Variants in NTN5 observed in about 807,000 individuals in gnomAD.
NTN5 encodes netrin-5.
NTN5 carries 42 observed loss-of-function variants against 38.7 expected under a neutral mutation model. The observed-to-expected ratio is 1.08, with a 90% confidence interval of 0.85 to 1.40. The LOEUF is 1.40. Ranked by LOEUF, NTN5 falls within the 40% of genes most tolerant of loss-of-function variation. The probability of loss-of-function intolerance (pLI) is 0.00; values close to 1 mark genes in which losing one functional copy is unlikely to be tolerated. For synonymous variants in NTN5, 329 were observed against 303.9 expected (o/e 1.08, Z -0.86); for missense variants, 658 against 716.5 (o/e 0.92, Z 0.93).
chr19:48,671,564 C>T (rs1761107873), intron 1 of NTN5, among the ~76,000 whole-genome samples: 1 of 151,548 alleles, frequency 6.6e-6, no homozygotes. Flanking sequence ...AGCTGGGAGA[C>T]TGAGGCTCGG....
At chr19:48,672,803 A>G (rs1331600546) in intron 1 of NTN5, 129 bp downstream of exon 1, 1 of 166,050 alleles carries the variant, frequency 6.0e-6, no homozygotes, top group Non-Finnish European at 1.3e-5. Flanking sequence ...GAGTCCAGCC[A>G]TGCTCCCAGC....
chr19:48,667,726 C>G (rs911275951), intron 2 of NTN5, among the ~76,000 whole-genome samples: 3 of 152,078 alleles, frequency 2.0e-5, no homozygotes, highest in Non-Finnish European at 1.5e-5. Flanking sequence ...CGTGGTGGCA[C>G]ACACCTGTAA....
chr19:48,670,468 G>T lies in NTN5; in HGVS notation c.519C>A (p.Pro173=). The T allele has an allele frequency of 6.8e-7, 1 of 1,475,902 alleles. No homozygotes were observed. Among genetic ancestry groups the T allele is most frequent in the East Asian group, 2.5e-5 (1 of 40,486 alleles). The allele number at this position is 1,475,902 out of a possible 1,614,324, so 91.4% of individuals were successfully genotyped here. A position where few individuals can be genotyped will look rare whatever the true frequency, so the allele number is the denominator to read the frequency against. ...TGGTATGGTGGCGGCAGTGGCAGCG[G>T]GGGGGCCGGGCACGGGCGGCACAGC... The part of the protein sequence containing the change: ...AARCAARARP[P]RCHCRHHTTG... Residue 173 remains proline (P), a synonymous_variant, in exon 2 of 7, where the codon CCC becomes CCA. Transcript: ENST00000270235.
intron 1 of NTN5, among the ~76,000 whole-genome samples, 171 bp downstream of exon 1, chr19:48,672,761 C>T (rs982280342): frequency 6.6e-6 from 1 of 152,090 alleles, no homozygotes; most frequent in Non-Finnish European, 1.5e-5. Flanking sequence ...CCAGTCGTGG[C>T]CCACAGAGAG....
In NTN5 at chr19:48,670,391, C is replaced by T. The variant is rs1178872244; in HGVS notation, c.596G>A (p.Arg199Gln). 5.6e-6 allele frequency: 8 copies of T among 1,417,036 alleles called. No individual in the cohort carries two copies. Among genetic ancestry groups the T allele is most frequent in the Non-Finnish European group, 7.4e-6 (8 of 1,086,606 alleles). 87.8% of individuals were successfully genotyped at this position (1,417,036 alleles called of 1,614,324 possible). Residue 199 changes from arginine (R) to glutamine (Q), a missense_variant, in exon 2 of 7, where the codon CGG (arginine) becomes CAG (glutamine). Transcript: ENST00000270235. Reference sequence around the variant, plus strand: ...GTGGGGGTGCCGGGGCGTGGCAGGCCGCCAGGGCCAGTCTCGATGGGACGG... The same window carrying T: ...GTGGGGGTGCCGGGGCGTGGCAGGCTGCCAGGGCCAGTCTCGATGGGACGG... ...CRPSHRDWPW[R>Q]PATPRHPHPC...
rs970889559 is a variant in NTN5, at chr19:48,670,474, C to G, written c.513G>C (p.Arg171=). The G allele has an allele frequency of 6.8e-7, 1 of 1,473,992 alleles. No individual in the cohort carries two copies. Among genetic ancestry groups the G allele is most frequent in the Non-Finnish European group, 9.0e-7 (1 of 1,113,144 alleles). The allele number at this position is 1,473,992 out of a possible 1,614,324, so 91.3% of individuals were successfully genotyped here. The part of the protein sequence containing the change: ...GHAARCAARA[R]PPRCHCRHHT... The stretch of plus-strand genomic sequence containing the variant: ...GGTGGCGGCAGTGGCAGCGGGGGGG[C>G]CGGGCACGGGCGGCACAGCGGGCAG... The change falls in exon 2 of 7, where the codon CGG becomes CGC. Residue 171 remains arginine, a synonymous_variant. Transcript: ENST00000270235.
At chr19:48,668,525 C>G (rs1371735801) in intron 2 of NTN5, among the ~76,000 whole-genome samples, 1 of 152,144 alleles carries the variant, frequency 6.6e-6, no homozygotes, top group Non-Finnish European at 1.5e-5. Context: ...AGTCTGGCTG[C>G]CAGGCCACCA....
intron 1 of NTN5, 111 bp from the exon 2 acceptor site, chr19:48,671,117 C>T: frequency 1.4e-6 from 1 of 706,398 alleles, no homozygotes; most frequent in South Asian, 2.5e-5. Flanking sequence ...CAGGCCCCCT[C>T]CCCGGCTGCA....
chr19:48,669,983 ATCACCAC>A (rs1568452855), intron 2 of NTN5, among the ~76,000 whole-genome samples: 4 of 124,380 alleles, frequency 3.2e-5, no homozygotes, highest in African/African-American at 1.2e-4. Flanking sequence ...CATCACCATC[ATCACCAC>A]CACCATCACC....
intron 2 of NTN5, chr19:48,667,445 T>G: frequency 2.7e-6 from 1 of 375,924 alleles, no homozygotes; most frequent in Non-Finnish European, 5.4e-6. Flanking sequence ...GGATGAAGGC[T>G]GCCTCATCCT....
intron 2 of NTN5, among the ~76,000 whole-genome samples, chr19:48,670,087 C>T (rs1203600633): frequency 4.7e-5 from 7 of 149,966 alleles, no homozygotes; most frequent in African/African-American, 1.7e-4. Flanking sequence ...CCATTACCAC[C>T]ATCACACCAT....
chr19:48,666,140 G>A (rs897791935), intron 2 of NTN5, among the ~76,000 whole-genome samples: 4 of 152,260 alleles, frequency 2.6e-5, no homozygotes, highest in African/African-American at 9.6e-5. Flanking sequence ...ATTTTACAGA[G>A]GGAGAAAGCT....
In NTN5 at chr19:48,672,925, G is replaced by A; in HGVS notation, c.-21+7C>T. On this transcript the variant is annotated splice_region_variant and intron_variant, in intron 1 of 6. Transcript: ENST00000270235. ...CCCGAGCCCTGAGGCCCCGACATTG[G>A]CCAAACCTGCACTCAAGAAGAGAGC... 1 of 239,010 alleles carries A rather than the reference G, an allele frequency of 4.2e-6. No individual in the cohort carries two copies. The highest frequency in any genetic ancestry group is 3.8e-5 in the South Asian group (1 of 26,048). The allele number at this position is 239,010 out of a possible 1,614,324, so 14.8% of individuals were successfully genotyped here.
intron 6 of NTN5, chr19:48,663,042 G>T (rs1601203606): frequency 5.4e-6 from 2 of 373,528 alleles, no homozygotes; most frequent in Admixed American, 3.2e-5. Context: ...GTGGACTGGG[G>T]ATTAGGGAAC....
At chr19:48,669,990 CCACCAT>C (rs1568452869) in intron 2 of NTN5, among the ~76,000 whole-genome samples, 13 of 127,144 alleles carry the variant, frequency 1.0e-4, no homozygotes, top group East Asian at 5.4e-4. Context: ...ATCATCACCA[CCACCAT>C]CACCATCACC....
chr19:48,662,952 T>G (rs1354939970), intron 6 of NTN5: 1 of 289,342 alleles, frequency 3.5e-6, no homozygotes, highest in Admixed American at 4.2e-5. Flanking sequence ...GGTCTAGATT[T>G]GTTGGCTGGG....
chr19:48,670,784 G>A lies in NTN5; in HGVS notation c.203C>T (p.Ala68Val). Residue 68 changes from alanine to valine, a missense_variant, in exon 2 of 7, where the codon GCC (alanine) becomes GTC (valine). Ala to Val is a moderately conservative substitution (Grantham distance 64, BLOSUM62 0). Transcript: ENST00000270235. The part of the protein sequence containing the change: ...RETCNGSLTL[A>V]LGGPFLLTSV... ...TGTCAGGAGGAAGGGGCCACCCAGGGCCAAAGTCAGGCTGCCATTGCAGGT... is the reference window on the plus strand; with the variant it reads ...TGTCAGGAGGAAGGGGCCACCCAGGACCAAAGTCAGGCTGCCATTGCAGGT... 6.2e-7 allele frequency: 1 copy of A among 1,613,080 alleles called. No homozygotes were observed. Among genetic ancestry groups the A allele is most frequent in the Middle Eastern group, 1.7e-4 (1 of 6,058 alleles).
intron 2 of NTN5, among the ~76,000 whole-genome samples, chr19:48,665,276 AAAT>A (rs1486616930): frequency 1.3e-5 from 2 of 151,794 alleles, no homozygotes; most frequent in African/African-American, 4.8e-5. Flanking sequence ...TCTCTACTAA[AAAT>A]AAAAAAATTA....
At chr19:48,672,149 G>A (rs756294085) in intron 1 of NTN5, among the ~76,000 whole-genome samples, 7 of 152,178 alleles carry the variant, frequency 4.6e-5, no homozygotes, top group Non-Finnish European at 1.0e-4. Flanking sequence ...AGATGTTGGG[G>A]GCGGTGGGTA....
Sources: allele counts gnomAD v4.1 joint callset (sites outside exome capture counted in the v4.1 genomes callset), GRCh38; gene constraint gnomAD v4.1.1; transcripts MANE v1.5; gene names NCBI Gene and HGNC (gene_info 2026-07-23, HGNC 2026-07-21).